The following LRMDA variants were observed in gnomAD, a reference collection of about 807,000 sequenced individuals.
The protein encoded by LRMDA is leucine-rich melanocyte differentiation-associated protein.
In LRMDA, 18 loss-of-function variants were observed where a neutral mutation model predicts 29.8. The ratio of observed to expected loss-of-function variants is 0.60; its 90% CI spans 0.42 to 0.90. The LOEUF (loss-of-function observed/expected upper bound fraction) is 0.90. LRMDA is among the 40% of genes least tolerant of loss of function. The pLI is 0.00. For synonymous variants in LRMDA, 125 were observed against 109.4 expected (o/e 1.14, Z -0.89); for missense variants, 273 against 273.9 (o/e 1.00, Z 0.02).
intron 2 of LRMDA, among the ~76,000 whole-genome samples, chr10:75,656,517 C>G (rs1053892312): frequency 7.2e-5 from 11 of 152,122 alleles, no homozygotes; most frequent in Non-Finnish European, 1.3e-4. Flanking sequence ...GAATTTTAAA[C>G]TCTTTTGTAA....
At chr10:75,632,366 C>T (rs1184632422) in intron 2 of LRMDA, among the ~76,000 whole-genome samples, 2 of 152,192 alleles carry the variant, frequency 1.3e-5, no homozygotes, top group African/African-American at 2.4e-5. Flanking sequence ...ACGAGGATGT[C>T]TCATCATCCC....
At chr10:76,369,535 C>T (rs532725251) in intron 6 of LRMDA, among the ~76,000 whole-genome samples, 3 of 152,160 alleles carry the variant, frequency 2.0e-5, no homozygotes, top group African/African-American at 7.2e-5. Flanking sequence ...TGTCTCATAG[C>T]TCTTAAGATT....
chr10:75,788,615 G>T (rs1040464222), intron 2 of LRMDA, among the ~76,000 whole-genome samples: 1 of 152,190 alleles, frequency 6.6e-6, no homozygotes, highest in African/African-American at 2.4e-5. Flanking sequence ...GAGTTTGGTA[G>T]CTTGAAATTG....
At chr10:75,940,110 A>G (rs914195517) in intron 2 of LRMDA, among the ~76,000 whole-genome samples, 4 of 152,184 alleles carry the variant, frequency 2.6e-5, no homozygotes, top group African/African-American at 9.7e-5. Flanking sequence ...TTTATTGAGT[A>G]CCTAACTTAA....
chr10:76,549,315 C>T (rs1843466178), intron 6 of LRMDA, among the ~76,000 whole-genome samples: 1 of 152,210 alleles, frequency 6.6e-6, no homozygotes, highest in African/African-American at 2.4e-5. Flanking sequence ...TCCCTGCTGA[C>T]TGACTTCCTT....
intron 6 of LRMDA, among the ~76,000 whole-genome samples, chr10:76,465,905 T>C (rs1037153182): frequency 1.3e-5 from 2 of 152,138 alleles, no homozygotes; most frequent in African/African-American, 4.8e-5. Context: ...CAATCTTTTC[T>C]TACAAGGACA....
intron 2 of LRMDA, among the ~76,000 whole-genome samples, chr10:75,683,961 G>A (rs1842053804): frequency 6.6e-6 from 1 of 152,168 alleles, no homozygotes. Context: ...AGTTTTATAG[G>A]TTTTTATGGA....
At chr10:75,966,952 C>A (rs1248822886) in intron 2 of LRMDA, among the ~76,000 whole-genome samples, 2 of 152,204 alleles carry the variant, frequency 1.3e-5, no homozygotes, top group East Asian at 3.8e-4. Flanking sequence ...ATTTGCACCC[C>A]ATAGGAGGCA....
At chr10:76,096,982 C>A (rs1281873195) in intron 5 of LRMDA, among the ~76,000 whole-genome samples, 1 of 149,734 alleles carries the variant, frequency 6.7e-6, no homozygotes. Context: ...AATTGACAAT[C>A]ATGTTACTTT....
chr10:76,351,097 A>C (rs1044456973), intron 6 of LRMDA, among the ~76,000 whole-genome samples: 8 of 152,172 alleles, frequency 5.3e-5, no homozygotes, highest in Non-Finnish European at 1.2e-4. Flanking sequence ...AAATGTAGTC[A>C]AAGGCAATTT....
chr10:76,143,906 A>G (rs1850258072), intron 5 of LRMDA, among the ~76,000 whole-genome samples: 1 of 152,224 alleles, frequency 6.6e-6, no homozygotes, highest in South Asian at 2.1e-4. Flanking sequence ...CAGCTTCTAC[A>G]TATGGCTAGC....
chr10:75,602,033 G>GTTA (rs1840893553), intron 2 of LRMDA, among the ~76,000 whole-genome samples: 1 of 152,218 alleles, frequency 6.6e-6, no homozygotes, highest in East Asian at 1.9e-4. Flanking sequence ...ACTCGATTGA[G>GTTA]TTATTGTCAG....
intron 5 of LRMDA, among the ~76,000 whole-genome samples, chr10:76,218,061 A>G (rs532294533): frequency 1.2e-4 from 18 of 152,234 alleles, no homozygotes; most frequent in Admixed American, 3.9e-4. Context: ...TCCTGATGCA[A>G]TCCAATCCAG....
intron 5 of LRMDA, among the ~76,000 whole-genome samples, chr10:76,248,485 A>C (rs948330309): frequency 2.6e-5 from 4 of 152,120 alleles, no homozygotes; most frequent in African/African-American, 9.7e-5. Context: ...TTAACATCCT[A>C]AGACATGCCT....
intron 2 of LRMDA, among the ~76,000 whole-genome samples, chr10:75,788,027 T>TCAAAAACAAAAA (rs71024563): frequency 6.0e-5 from 9 of 149,778 alleles, no homozygotes; most frequent in South Asian, 2.1e-4. Context: ...AGACTCCGTC[T>TCAAAAACAAAAA]CAAAAACAAA....
chr10:75,926,913 G>A (rs534536502), intron 2 of LRMDA, among the ~76,000 whole-genome samples: 59 of 152,226 alleles, frequency 3.9e-4, no homozygotes, highest in African/African-American at 1.3e-3. Context: ...ACAGTAAGGC[G>A]CACACTTGTC....
At position 75,994,237 on chromosome 10, in the gene LRMDA, T is replaced by G. The variant is rs77705144; in HGVS notation, c.132-41771T>G. Among the ~76,000 whole-genome samples the G allele has an allele frequency of 9.6e-4, 146 of 152,306 alleles. 1 individual carries two copies. In the East Asian group the frequency reaches 0.025, roughly 26 times the overall value. On this transcript the variant is annotated intron_variant, in intron 2 of 6. Transcript: ENST00000611255. The stretch of plus-strand genomic sequence containing the variant: ...CCAGGTGCTGCTTCCCACTCTATGG[T>G]CTTTATATATCCAAGCTAACCTGAG...
At chr10:76,004,726 AT>A (rs926291826) in intron 2 of LRMDA, among the ~76,000 whole-genome samples, 1,947 of 134,010 alleles carry the variant, frequency 0.015, 24 homozygotes, top group East Asian at 0.089. Flanking sequence ...TTTTCTTTTA[AT>A]TTTTTTTTTT....
At chr10:76,529,864 C>T (rs1366123539) in intron 6 of LRMDA, among the ~76,000 whole-genome samples, 1 of 152,142 alleles carries the variant, frequency 6.6e-6, no homozygotes, top group East Asian at 1.9e-4. Context: ...ACCTCCTGTA[C>T]AGTAGTATGA....
Sources: allele counts gnomAD v4.1 joint callset (sites outside exome capture counted in the v4.1 genomes callset), GRCh38; gene constraint gnomAD v4.1.1; transcripts MANE v1.5; gene names NCBI Gene and HGNC (gene_info 2026-07-23, HGNC 2026-07-21).